Variants in GON4L observed in about 807,000 individuals in gnomAD.
GON4L encodes GON-4-like protein.
GON4L carries 87 observed loss-of-function variants against 211.8 expected under a neutral mutation model. The observed-to-expected ratio is 0.41, with a 90% CI of 0.35 to 0.49. The LOEUF is 0.49. GON4L is among the 20% of genes least tolerant of loss of function. The pLI is 0.15. For synonymous variants in GON4L, 875 were observed against 962.6 expected, an observed-to-expected ratio of 0.91 and a Z score of 1.68; for missense variants, 2,155 against 2,659.5, an observed-to-expected ratio of 0.81 and a Z score of 4.17.
At chr1:155,842,987 T>C (rs749070416) in intron 2 of GON4L, among the ~76,000 whole-genome samples, 30 of 152,186 alleles carry the variant, frequency 2.0e-4, no homozygotes, top group Non-Finnish European at 3.4e-4. Flanking sequence ...CTGTCCCGGA[T>C]TAAACAAACC....
chr1:155,755,344 GAGGTGTA>G (rs1238959777), intron 27 of GON4L, among the ~76,000 whole-genome samples: 3 of 152,078 alleles, frequency 2.0e-5, no homozygotes, highest in Non-Finnish European at 4.4e-5. Flanking sequence ...GCTGGCATTA[GAGGTGTA>G]AGCCACAGCA....
chr1:155,753,125 C>G (rs1660793261), intron 29 of GON4L, 79 bp downstream of exon 29: 1 of 1,092,736 alleles, frequency 9.2e-7, no homozygotes, highest in Non-Finnish European at 1.4e-6. Context: ...GCTATTTATC[C>G]AGGCTCATGG....
Position 155,749,809 on chromosome 1 carries a change from A to T in GON4L, c.*775T>A. ...GGTGTACTAAGGGGACAATACACCA[A>T]ATTTGTTGAGTTTACAATCAAGTCT... On this transcript the variant is annotated 3_prime_UTR_variant, in exon 32 of 32. Coordinates refer to ENST00000368331, the MANE Select transcript of GON4L (RefSeq NM_001282860.2). 1 of 1,159,090 alleles carries T rather than the reference A, an allele frequency of 8.6e-7. No individual in the cohort carries two copies. The highest frequency in any genetic ancestry group is 1.6e-5 in the South Asian group (1 of 62,740). The allele number at this position is 1,159,090 out of a possible 1,614,324, so 71.8% of individuals were successfully genotyped here. A position where few individuals can be genotyped will look rare whatever the true frequency, so the allele number is the denominator to read the frequency against.
intron 2 of GON4L, among the ~76,000 whole-genome samples, chr1:155,852,236 GCCA>G (rs1435248582): frequency 1.3e-5 from 2 of 150,102 alleles, no homozygotes; most frequent in Non-Finnish European, 2.9e-5. Flanking sequence ...ATCCTTTTCT[GCCA>G]GTCTATCTCT....
At chr1:155,795,638 T>C (rs1222574184) in intron 11 of GON4L, among the ~76,000 whole-genome samples, 2 of 149,710 alleles carry the variant, frequency 1.3e-5, no homozygotes, top group African/African-American at 4.9e-5. Context: ...AGATTTCAAA[T>C]TTTCTTTTTC....
downstream of GON4L, chr1:155,747,965 T>C (rs1660301265): frequency 1.3e-6 from 2 of 1,575,960 alleles, no homozygotes; most frequent in East Asian, 2.2e-5. Flanking sequence ...AACTGGTTTT[T>C]TTCTTTACGA....
At chr1:155,812,608 T>G (rs1207867357) in intron 10 of GON4L, among the ~76,000 whole-genome samples, 10 of 151,270 alleles carry the variant, frequency 6.6e-5, no homozygotes, top group African/African-American at 2.4e-4. Flanking sequence ...CAGGCTGGAG[T>G]GCAGTGGCGC....
intron 14 of GON4L, among the ~76,000 whole-genome samples, chr1:155,781,430 G>C (rs1020730843): frequency 2.7e-5 from 4 of 147,038 alleles, no homozygotes; most frequent in Non-Finnish European, 4.5e-5. Context: ...ACAGGTGCCA[G>C]CCACCACGCC....
intron 2 of GON4L, among the ~76,000 whole-genome samples, chr1:155,851,118 G>C (rs1197600994): frequency 6.6e-6 from 1 of 150,868 alleles, no homozygotes; most frequent in Non-Finnish European, 1.5e-5. Flanking sequence ...ACTTTGGGAG[G>C]ACGAGGCAGG....
intron 12 of GON4L, 26 bp downstream of exon 12, chr1:155,795,024 A>C: frequency 3.2e-6 from 4 of 1,249,684 alleles, no homozygotes; most frequent in Middle Eastern, 1.9e-4. Context: ...AGTCAAGAGC[A>C]GGACTTAGAA....
Position 155,784,252 on chromosome 1 carries a change from C to A in GON4L, c.1789-163G>T. ...TTTCTCACTTCAGGATTCCCACAAACCCACACTTGGGATGGCTATTATGCC... is the reference window on the plus strand; with the variant it reads ...TTTCTCACTTCAGGATTCCCACAAAACCACACTTGGGATGGCTATTATGCC... On this transcript the variant is annotated intron_variant, in intron 13 of 31. Transcript: ENST00000368331. 11 of 936,898 alleles carry A rather than the reference C, an allele frequency of 1.2e-5. 1 individual carries two copies. In the South Asian group the frequency reaches 1.7e-4, roughly 14 times the overall value. 58.0% of individuals were successfully genotyped at this position (936,898 alleles called of 1,614,324 possible). A position where few individuals can be genotyped will look rare whatever the true frequency, so the allele number is the denominator to read the frequency against.
At chr1:155,805,781 T>C (rs1667070770) in intron 10 of GON4L, among the ~76,000 whole-genome samples, 1 of 151,756 alleles carries the variant, frequency 6.6e-6, no homozygotes, top group South Asian at 2.1e-4. Flanking sequence ...CCTCTGCCTC[T>C]TGGGTTCAAG....
At chr1:155,831,498 TAAA>T (rs966591198) in intron 2 of GON4L, 1 of 120,174 alleles carries the variant, frequency 8.3e-6, no homozygotes, top group Non-Finnish European at 1.9e-5. Flanking sequence ...AATAAATAAA[TAAA>T]AAGTTATTTC....
At chr1:155,839,650 CAA>C (rs76003215) in intron 2 of GON4L, among the ~76,000 whole-genome samples, 8 of 61,690 alleles carry the variant, frequency 1.3e-4, no homozygotes, top group Admixed American at 3.7e-4. Context: ...GACTCTGTCT[CAA>C]AAAAAAAAAA....
rs1187238747 is a variant in GON4L, at chr1:155,766,244, G to C, written c.3229C>G (p.Pro1077Ala). ...ESPAALPAVP[P>A]EARTSFPLSE... ...AGAGGGAAGCTTGTCCTGGCCTCAGGGGGCACAGCAGGCAGTGCTGCAGGA... is the reference window on the plus strand; with the variant it reads ...AGAGGGAAGCTTGTCCTGGCCTCAGCGGGCACAGCAGGCAGTGCTGCAGGA... Residue 1077 changes from proline to alanine, a missense_variant, in exon 21 of 32, where the codon CCT (proline) becomes GCT (alanine). Pro to Ala is a conservative substitution (Grantham distance 27). Coordinates refer to ENST00000368331, the MANE Select transcript of GON4L (RefSeq NM_001282860.2). 3 of 1,614,100 alleles carry C rather than the reference G, an allele frequency of 1.9e-6. No homozygotes were observed. Among genetic ancestry groups the C allele is most frequent in the South Asian group, 1.1e-5 (1 of 91,080 alleles).
rs12748297 is a variant in GON4L, at chr1:155,842,503, G to A, written c.505+10773C>T. Reference sequence around the variant, plus strand: ...CGTGCCACTGCACTCCAGCCTGGGCGACAGAGCGAGACTCCATCTCAAAAA... The same window carrying A: ...CGTGCCACTGCACTCCAGCCTGGGCAACAGAGCGAGACTCCATCTCAAAAA... On this transcript the variant is annotated intron_variant, in intron 2 of 31. Transcript: ENST00000368331. 2.4e-3 allele frequency among the ~76,000 whole-genome samples: 261 copies of A among 107,150 alleles called. 1 individual carries two copies. The Middle Eastern group carries it at 0.043, about 18-fold the overall frequency. 70.3% of individuals were successfully genotyped at this position (107,150 alleles called of 152,430 possible).
At chr1:155,808,858 C>G (rs1489539244) in intron 10 of GON4L, among the ~76,000 whole-genome samples, 5 of 152,066 alleles carry the variant, frequency 3.3e-5, no homozygotes, top group Admixed American at 1.3e-4. Flanking sequence ...GTGATCCACT[C>G]TCCTTGGCCT....
chr1:155,842,027 CA>C (rs950903174), intron 2 of GON4L, among the ~76,000 whole-genome samples: 1,536 of 135,276 alleles, frequency 0.011, 27 homozygotes, highest in African/African-American at 0.039. Flanking sequence ...GACTCCGTCT[CA>C]AAAAAAAAAA....
chr1:155,745,484 G>A (rs779926175), downstream of GON4L, among the ~76,000 whole-genome samples: 1 of 152,228 alleles, frequency 6.6e-6, no homozygotes, highest in Non-Finnish European at 1.5e-5. Context: ...TCTGTAAGAA[G>A]AGATAAGACC....
Sources: gnomAD v4.1 joint callset for allele counts (sites outside exome capture counted in the v4.1 genomes callset) on GRCh38, gnomAD v4.1.1 for gene constraint, MANE v1.5 for transcripts, NCBI Gene and HGNC (gene_info 2026-07-23, HGNC 2026-07-21) for gene names.